FARP1: variants seen among roughly 807,000 people sequenced by gnomAD.
FARP1 encodes the protein FERM, ARHGEF and pleckstrin domain-containing protein 1.
FARP1 carries 52 observed loss-of-function variants against 128.8 expected under a neutral mutation model. The ratio of observed to expected loss-of-function variants is 0.40; its 90% CI spans 0.32 to 0.51. FARP1 has a LOEUF of 0.51. Ranked by LOEUF, FARP1 falls within the 20% of genes least tolerant of loss-of-function variation. The pLI is 0.45. For synonymous variants in FARP1, 580 were observed against 551.8 expected, an observed-to-expected ratio of 1.05 and a Z score of -0.72; for missense variants, 1,333 against 1,367.9, an observed-to-expected ratio of 0.97 and a Z score of 0.40.
chr13:98,390,698 T>C, intron 10 of FARP1, 114 bp from the exon 11 acceptor site: 1 of 798,804 alleles, frequency 1.3e-6, no homozygotes, highest in Non-Finnish European at 2.1e-6. Flanking sequence ...CAAGCAACCC[T>C]GCATCTCTCC....
intron 3 of FARP1, among the ~76,000 whole-genome samples, chr13:98,361,313 C>T (rs1888864171): frequency 6.6e-6 from 1 of 152,220 alleles, no homozygotes; most frequent in South Asian, 2.1e-4. Flanking sequence ...CTGAATTACC[C>T]AGGCCCATCT....
intron 13 of FARP1, chr13:98,400,693 C>T (rs1890727453): frequency 6.6e-6 from 1 of 152,146 alleles, no homozygotes; most frequent in African/African-American, 2.4e-5. Context: ...AGTTACATTC[C>T]CCAGAAAGAC....
intron 2 of FARP1, among the ~76,000 whole-genome samples, chr13:98,219,831 A>AT (rs968437031): frequency 3.1e-4 from 46 of 147,296 alleles, no homozygotes; most frequent in South Asian, 6.6e-4. Context: ...ACACCTAGCT[A>AT]TTTTTTTTTT....
intron 1 of FARP1, among the ~76,000 whole-genome samples, chr13:98,188,338 G>A (rs7996511): frequency 0.39 from 59,819 of 151,910 alleles, 12,201 homozygotes; most frequent in Non-Finnish European, 0.44. Flanking sequence ...CGGATCACGA[G>A]GTCAGGAGTT....
chr13:98,311,076 A>G (rs1886438383), intron 2 of FARP1, among the ~76,000 whole-genome samples: 1 of 152,234 alleles, frequency 6.6e-6, no homozygotes, highest in Admixed American at 6.5e-5. Flanking sequence ...CTTAGTAATC[A>G]TTAACTTCTT....
rs552752564 is a variant in FARP1 at position 98,449,372 on chromosome 13, C to T, written c.*1055C>T. 2.9e-4 allele frequency: 44 copies of T among 152,312 alleles called. No homozygotes were observed. The highest frequency in any genetic ancestry group is 1.0e-3 in the African/African-American group (42 of 41,532). The allele number at this position is 152,312 out of a possible 1,614,324, so 9.4% of individuals were successfully genotyped here. ...CCCCCAGGCATGGGGTAGTGTCAGT[C>T]GGACTGCACAGGGAACACGGTTTCC... On this transcript the variant is annotated 3_prime_UTR_variant, in exon 27 of 27. Transcript: ENST00000319562.
rs1394074343 is a variant in FARP1, at chr13:98,213,779, A to G, written c.171+366A>G. Among the ~76,000 whole-genome samples, 3 of 152,230 alleles carry G rather than the reference A, an allele frequency of 2.0e-5. No individual in the cohort carries two copies. In the East Asian group the frequency reaches 5.8e-4, roughly 29 times the overall value. On this transcript the variant is annotated intron_variant, in intron 2 of 26. Transcript: ENST00000319562. ...TCCCAGTTTAATTTACTGGTCATAG[A>G]CAATTCCTCTCTCACATTGGTGCTT...
At chr13:98,290,183 T>A (rs541585739) in intron 2 of FARP1, among the ~76,000 whole-genome samples, 19 of 152,060 alleles carry the variant, frequency 1.2e-4, no homozygotes, top group African/African-American at 4.6e-4. Context: ...TACGTTCCAG[T>A]ACAGAAAGAC....
At chr13:98,213,575 G>A (rs1741757908) in intron 2 of FARP1, among the ~76,000 whole-genome samples, 162 bp downstream of exon 2, 1 of 152,070 alleles carries the variant, frequency 6.6e-6, no homozygotes, top group Non-Finnish European at 1.5e-5. Flanking sequence ...GACCCGTTCT[G>A]GTTTCGAGCT....
chr13:98,411,210 C>A (rs1891180288), intron 15 of FARP1, among the ~76,000 whole-genome samples: 1 of 152,090 alleles, frequency 6.6e-6, no homozygotes, highest in Non-Finnish European at 1.5e-5. Context: ...ATAAATTGAG[C>A]CTTGTCCGCA....
At chr13:98,241,385 T>C (rs972642077) in intron 2 of FARP1, among the ~76,000 whole-genome samples, 4 of 152,124 alleles carry the variant, frequency 2.6e-5, no homozygotes, top group African/African-American at 9.7e-5. Flanking sequence ...ATACGGCATG[T>C]TGCACACGAT....
chr13:98,243,478 G>A (rs1403019084), intron 2 of FARP1, among the ~76,000 whole-genome samples: 8 of 151,802 alleles, frequency 5.3e-5, no homozygotes, highest in African/African-American at 1.5e-4. Context: ...GGTGGATCAC[G>A]AGGTCAGGAG....
At chr13:98,332,294 A>T (rs1466751079) in intron 2 of FARP1, 6 of 149,782 alleles carry the variant, frequency 4.0e-5, no homozygotes, top group Admixed American at 2.7e-4. Flanking sequence ...TGTCTGTTGG[A>T]TATGATTGTA....
intron 1 of FARP1, among the ~76,000 whole-genome samples, chr13:98,166,253 C>T (rs1383644358): frequency 6.6e-6 from 1 of 152,130 alleles, no homozygotes; most frequent in Non-Finnish European, 1.5e-5. Flanking sequence ...GTCTAAATGA[C>T]ACCACACTGA....
intron 6 of FARP1, among the ~76,000 whole-genome samples, chr13:98,383,400 A>AGG (rs760317493): frequency 1.5e-4 from 23 of 152,202 alleles, no homozygotes; most frequent in Non-Finnish European, 2.5e-4. Flanking sequence ...GAAGCGAGGG[A>AGG]GGGAGGGGTT....
At chr13:98,220,667 A>T (rs1405830365) in intron 2 of FARP1, among the ~76,000 whole-genome samples, 1 of 152,160 alleles carries the variant, frequency 6.6e-6, no homozygotes, top group Admixed American at 6.5e-5. Flanking sequence ...AATTTTTTTC[A>T]TAAATCATTT....
intron 1 of FARP1, among the ~76,000 whole-genome samples, chr13:98,180,135 G>A (rs1326691613): frequency 1.3e-5 from 2 of 152,086 alleles, no homozygotes; most frequent in Non-Finnish European, 2.9e-5. Flanking sequence ...AAGAAGAGAG[G>A]ATTAATTGAC....
intron 2 of FARP1, among the ~76,000 whole-genome samples, chr13:98,231,763 C>G (rs1310605983): frequency 6.6e-6 from 1 of 152,176 alleles, no homozygotes; most frequent in East Asian, 1.9e-4. Context: ...TACAAAGGGA[C>G]TAGAGTACTT....
Position 98,440,929 on chromosome 13 carries a change from G to A in FARP1, c.2796+93G>A, listed in dbSNP as rs1796327977. 7.5e-6 allele frequency: 10 copies of A among 1,328,038 alleles called. 1 individual carries two copies. In the South Asian group the frequency reaches 1.3e-4, roughly 17 times the overall value. 82.3% of individuals were successfully genotyped at this position (1,328,038 alleles called of 1,614,324 possible). Reference sequence around the variant, plus strand: ...TGGGCCAGGGGCTTGAGGGAGGCTGGGACTGTGGGTGGCCCCACCTACCCG... The same window carrying A: ...TGGGCCAGGGGCTTGAGGGAGGCTGAGACTGTGGGTGGCCCCACCTACCCG... On this transcript the variant is annotated intron_variant, in intron 24 of 26. Transcript: ENST00000319562.
Sources: gnomAD v4.1 joint callset for allele counts (sites outside exome capture counted in the v4.1 genomes callset) on GRCh38, gnomAD v4.1.1 for gene constraint, MANE v1.5 for transcripts, NCBI Gene and HGNC (gene_info 2026-07-23, HGNC 2026-07-21) for gene names.